LAMA3: variants seen among roughly 807,000 people sequenced by gnomAD.
LAMA3 encodes laminin subunit alpha-3.
A neutral mutation model predicts 402.0 loss-of-function variants in LAMA3; 281 were observed. That is an observed-to-expected ratio of 0.70 (90% CI 0.63 to 0.77). The LOEUF is 0.77. Among genes scored for constraint, LAMA3 ranks in the 30% least tolerant of loss-of-function variants. The pLI is 0.00. For synonymous variants in LAMA3, 1,431 were observed against 1,558.4 expected (o/e 0.92, Z 1.93); for missense variants, 3,840 against 4,215.5 (o/e 0.91, Z 2.47).
At chr18:23,815,100 CGTT>C in intron 15 of LAMA3, 85 bp from the exon 16 acceptor site, 4 of 1,168,882 alleles carry the variant, frequency 3.4e-6, no homozygotes, top group Non-Finnish European at 5.1e-6. Context: ...CAACTGCACA[CGTT>C]GTGTTGCAGC....
At chr18:23,747,919 A>T (rs1178994358) in intron 2 of LAMA3, 24 bp from the exon 3 acceptor site, 7 of 1,273,314 alleles carry the variant, frequency 5.5e-6, no homozygotes, top group Non-Finnish European at 8.1e-6. Context: ...GACATTAATA[A>T]CTGTATCTCT....
Position 23,822,347 on chromosome 18 carries a change from T to G in LAMA3, c.2400T>G (p.Ser800=), listed in dbSNP as rs2063302307. 1 of 1,613,978 alleles carries G rather than the reference T, an allele frequency of 6.2e-7. No individual in the cohort carries two copies. The highest frequency in any genetic ancestry group is 1.7e-5 in the Admixed American group (1 of 60,024). Residue 800 remains serine, a synonymous_variant, in exon 20 of 75, where the codon TCT becomes TCG. Coordinates refer to ENST00000313654, the MANE Select transcript of LAMA3 (RefSeq NM_198129.4). ...RYVNPGTEAV[S]GHITIYPSWG... is the part of the protein sequence containing the mutation. ...TTAACCCTGGAACTGAAGCAGTATC[T>G]GGCCATATAACTATTTATCCATCCT...
At chr18:23,702,925 CT>C (rs781756228) in intron 1 of LAMA3, among the ~76,000 whole-genome samples, 2 of 152,190 alleles carry the variant, frequency 1.3e-5, no homozygotes, top group African/African-American at 2.4e-5. Context: ...GGGTCTGATG[CT>C]TGTGTCTACC....
In LAMA3 at chr18:23,943,918, A is replaced by G; in HGVS notation, c.9157A>G (p.Lys3053Glu). ...GGTCTTTGCACTGGGGACAGATGGG[A>G]AAAAATTGAGGATCAAAAGCAAGGA... The part of the protein sequence containing the change: ...RLVFALGTDG[K>E]KLRIKSKEKC... Residue 3053 changes from lysine (K) to glutamate (E), a missense_variant, in exon 69 of 75, where the codon AAA becomes GAA. Physicochemically the swap from Lys to Glu is moderately conservative, Grantham distance 56. Transcript: ENST00000313654. The G allele has an allele frequency of 6.2e-7, 1 of 1,614,072 alleles. No individual in the cohort carries two copies. Among genetic ancestry groups the G allele is most frequent in the Non-Finnish European group, 8.5e-7 (1 of 1,179,952 alleles).
chr18:23,921,663 C>A, intron 62 of LAMA3, 78 bp downstream of exon 62: 1 of 1,401,800 alleles, frequency 7.1e-7, no homozygotes, highest in Non-Finnish European at 1.0e-6. Flanking sequence ...TCTGGTCTGC[C>A]ATTTTTAATT....
intron 25 of LAMA3, among the ~76,000 whole-genome samples, chr18:23,838,487 T>C (rs1402622441): frequency 1.3e-5 from 2 of 152,154 alleles, no homozygotes; most frequent in Non-Finnish European, 2.9e-5. Context: ...GCACTGGAAG[T>C]CACTGAAAAG....
At chr18:23,812,263 G>A (rs1174147941) in intron 13 of LAMA3, among the ~76,000 whole-genome samples, 1 of 152,138 alleles carries the variant, frequency 6.6e-6, no homozygotes, top group African/African-American at 2.4e-5. Context: ...GATCACTTGA[G>A]CCCAGGCATT....
At chr18:23,843,141 G>A (rs541351370) in intron 29 of LAMA3, among the ~76,000 whole-genome samples, 2 of 151,876 alleles carry the variant, frequency 1.3e-5, no homozygotes, top group Non-Finnish European at 2.9e-5. Context: ...CGTTCCTTCC[G>A]ATTTGACACC....
rs1270889906 is a variant in LAMA3, at chr18:23,905,644, A to G, written c.6718+20A>G. 1 of 1,384,344 alleles carries G rather than the reference A, an allele frequency of 7.2e-7. No homozygotes were observed. Among genetic ancestry groups the G allele is most frequent in the Non-Finnish European group, 1.0e-6 (1 of 972,296 alleles). The allele number at this position is 1,384,344 out of a possible 1,614,324, so 85.8% of individuals were successfully genotyped here. A position where few individuals can be genotyped will look rare whatever the true frequency, so the allele number is the denominator to read the frequency against. On this transcript the variant is annotated intron_variant, in intron 52 of 74. Coordinates refer to ENST00000313654, the MANE Select transcript of LAMA3 (RefSeq NM_198129.4). ...AGCAAGGTATTAGGGGGAGTGGGCAATGGCAGGGATAGTCAGGAGCTTTAA... is the reference window on the plus strand; with the variant it reads ...AGCAAGGTATTAGGGGGAGTGGGCAGTGGCAGGGATAGTCAGGAGCTTTAA...
intron 72 of LAMA3, 99 bp from the exon 73 acceptor site, chr18:23,951,585 A>T: frequency 1.2e-6 from 1 of 850,132 alleles, no homozygotes; most frequent in Non-Finnish European, 2.0e-6. Context: ...ATGTGCCCTT[A>T]AGCTGTCAGT....
intron 1 of LAMA3, among the ~76,000 whole-genome samples, chr18:23,690,287 C>G (rs544066700): frequency 5.3e-5 from 8 of 152,366 alleles, no homozygotes; most frequent in African/African-American, 1.9e-4. Flanking sequence ...CTCGGCCCTT[C>G]CCGCCTCCGT....
intron 34 of LAMA3, among the ~76,000 whole-genome samples, chr18:23,859,620 G>T (rs148823500): frequency 6.6e-6 from 1 of 152,208 alleles, no homozygotes; most frequent in Non-Finnish European, 1.5e-5. Flanking sequence ...AGGTGAATAG[G>T]TGCATAGGGT....
At position 23,871,664 on chromosome 18, in the gene LAMA3, A is replaced by G. The variant is rs776795613; in HGVS notation, c.4998+3A>G. On this transcript the variant is annotated splice_donor_region_variant and intron_variant, in intron 38 of 74. Transcript: ENST00000313654. ...CCTACGCTGGTGACTCTTGTCAGGT[A>G]GGAAGTTTTCCCATCCGCAACATTT... 9 of 1,594,284 alleles carry G rather than the reference A, an allele frequency of 5.6e-6. No homozygotes were observed. The highest frequency in any genetic ancestry group is 2.3e-5 in the East Asian group (1 of 44,358).
chr18:23,832,818 A>G (rs976313860), intron 23 of LAMA3, among the ~76,000 whole-genome samples: 3 of 152,232 alleles, frequency 2.0e-5, no homozygotes, highest in Non-Finnish European at 4.4e-5. Flanking sequence ...TTGCATGTAT[A>G]TATTTTTGCA....
At chr18:23,944,745 T>C (rs1257810839) in intron 69 of LAMA3, among the ~76,000 whole-genome samples, 1 of 152,044 alleles carries the variant, frequency 6.6e-6, no homozygotes, top group African/African-American at 2.4e-5. Context: ...AGAAATGGAA[T>C]TAGAGAGGAA....
At chr18:23,802,227 C>G (rs1249984809) in intron 12 of LAMA3, among the ~76,000 whole-genome samples, 2 of 152,182 alleles carry the variant, frequency 1.3e-5, no homozygotes, top group Non-Finnish European at 2.9e-5. Flanking sequence ...AATAAAAAAT[C>G]TAAAACATGT....
rs377561209 is a variant in LAMA3, at chr18:23,756,577, C to T, written c.948-1819C>T. ...CATCTTGGTTTAGATTTAGTCTCTG[C>T]CTACAATCACGGCCTTTGTCAAGTG... On this transcript the variant is annotated intron_variant, in intron 6 of 74. Transcript: ENST00000313654. Among the ~76,000 whole-genome samples, 18 of 152,210 alleles carry T rather than the reference C, an allele frequency of 1.2e-4. No homozygotes were observed. In the East Asian group the frequency reaches 2.1e-3, roughly 18 times the overall value.
At chr18:23,927,430 A>G (rs1045745998) in intron 62 of LAMA3, among the ~76,000 whole-genome samples, 1 of 152,092 alleles carries the variant, frequency 6.6e-6, no homozygotes, top group African/African-American at 2.4e-5. Context: ...TGGCCTCCCA[A>G]AGTGCTGGGA....
At chr18:23,887,114 G>GTA (rs1046750088) in intron 41 of LAMA3, among the ~76,000 whole-genome samples, 3 of 152,210 alleles carry the variant, frequency 2.0e-5, no homozygotes, top group South Asian at 2.1e-4. Flanking sequence ...GGAGGTCCTA[G>GTA]TATATATATG....
Sources: gnomAD v4.1 joint callset for allele counts (sites outside exome capture counted in the v4.1 genomes callset) on GRCh38, gnomAD v4.1.1 for gene constraint, MANE v1.5 for transcripts, NCBI Gene and HGNC (gene_info 2026-07-23, HGNC 2026-07-21) for gene names.